Variants in ATP6V1A observed in about 807,000 individuals in gnomAD.
ATP6V1A encodes the protein V-type proton ATPase catalytic subunit A.
Under a neutral mutation model 70.1 loss-of-function variants are expected in ATP6V1A, and 18 were observed. That is an observed-to-expected ratio of 0.26 (90% CI 0.18 to 0.38). The LOEUF (loss-of-function observed/expected upper bound fraction) is 0.38. Among genes scored for constraint, ATP6V1A ranks in the 10% least tolerant of loss-of-function variants. ATP6V1A has a pLI of 1.00. For missense variants in ATP6V1A, 424 were observed against 772.4 expected (o/e 0.55, Z 5.35); for synonymous variants, 232 against 253.8 (o/e 0.91, Z 0.82).
intron 1 of ATP6V1A, among the ~76,000 whole-genome samples, chr3:113,752,841 A>G (rs923195778): frequency 6.6e-6 from 1 of 152,164 alleles, no homozygotes; most frequent in African/African-American, 2.4e-5. Context: ...AACAGATGCA[A>G]AAACTGATTT....
intron 3 of ATP6V1A, among the ~76,000 whole-genome samples, chr3:113,782,573 C>CACATGTGTATATATATAT (rs1308546543): frequency 1.4e-5 from 2 of 141,208 alleles, no homozygotes; most frequent in Non-Finnish European, 3.0e-5. Context: ...TATATATATA[C>CACATGTGTATATATATAT]GTATATATAT....
intron 1 of ATP6V1A, among the ~76,000 whole-genome samples, chr3:113,757,494 T>G (rs117666431): frequency 6.6e-6 from 1 of 152,350 alleles, no homozygotes; most frequent in East Asian, 1.9e-4. Flanking sequence ...CTTCTATGCC[T>G]CATGGCACGA....
Position 113,778,785 on chromosome 3 carries a change from A to G in ATP6V1A, c.32A>G (p.Asp11Gly). MDFSKLPKIL[D>G]EDKESTFGYV... is the part of the protein sequence containing the mutation. ...TTTTCCAAGCTACCCAAAATACTCG[A>G]TGAAGATAAAGAAAGCACATTTGGT... Residue 11 changes from aspartate (D) to glycine (G), a missense_variant, in exon 2 of 15, where the codon GAT (aspartate) becomes GGT (glycine). Asp to Gly is a moderately conservative substitution (Grantham distance 94, BLOSUM62 -1). Around this residue, in one of 9 missense-constraint regions of ATP6V1A, gnomAD observed 21 missense variants for 20.4 expected, o/e 1.03. Coordinates refer to ENST00000273398, the MANE Select transcript of ATP6V1A (RefSeq NM_001690.4). 1.3e-6 allele frequency: 2 copies of G among 1,595,354 alleles called. No homozygotes were observed. Among genetic ancestry groups the G allele is most frequent in the Non-Finnish European group, 8.5e-7 (1 of 1,171,238 alleles).
intron 1 of ATP6V1A, among the ~76,000 whole-genome samples, chr3:113,776,925 G>T (rs1167018828): frequency 6.6e-6 from 1 of 152,140 alleles, no homozygotes; most frequent in Non-Finnish European, 1.5e-5. Context: ...TTTTTCTACT[G>T]TGTGCAAATT....
In ATP6V1A at chr3:113,796,010, G is replaced by C. The variant is rs893339753; in HGVS notation, c.1290+71G>C. The C allele has an allele frequency of 1.1e-5, 14 of 1,281,734 alleles. No homozygotes were observed. In the African/African-American group the frequency reaches 1.8e-4, roughly 17 times the overall value. The allele number at this position is 1,281,734 out of a possible 1,614,324, so 79.4% of individuals were successfully genotyped here. A position where few individuals can be genotyped will look rare whatever the true frequency, so the allele number is the denominator to read the frequency against. ...TCTGCAGCCCCTGCTGTTCTAATGC[G>C]ATCTAATGTAATCGTTGTGAAGTAT... On this transcript the variant is annotated intron_variant, in intron 11 of 14. Transcript: ENST00000273398.
intron 8 of ATP6V1A, 94 bp downstream of exon 8, chr3:113,789,934 A>G: frequency 1.1e-6 from 1 of 908,974 alleles, no homozygotes; most frequent in Non-Finnish European, 1.7e-6. Flanking sequence ...CTTTCATTCT[A>G]AAATATCTCT....
intron 12 of ATP6V1A, among the ~76,000 whole-genome samples, chr3:113,799,118 A>G (rs1709183325): frequency 6.6e-6 from 1 of 152,174 alleles, no homozygotes; most frequent in African/African-American, 2.4e-5. Context: ...AAAACCAGAT[A>G]AAGACAATAC....
rs199753308 is a variant in ATP6V1A, at chr3:113,791,394, G to GT, written c.988+1569dup. The stretch of plus-strand genomic sequence containing the variant: ...TTTTGTAGTAGGCTGCATTATTAGG[G>GT]TTTTTTTTTTTTTTTAACTGTGGTC... On this transcript the variant is annotated intron_variant, in intron 8 of 14. Coordinates refer to ENST00000273398, the MANE Select transcript of ATP6V1A (RefSeq NM_001690.4). 4.4e-3 allele frequency among the ~76,000 whole-genome samples: 614 copies of GT among 138,700 alleles called. 5 individuals carry two copies. Among genetic ancestry groups the GT allele is most frequent in the South Asian group, 0.016 (68 of 4,384 alleles). 91.0% of individuals were successfully genotyped at this position (138,700 alleles called of 152,430 possible).
At chr3:113,758,701 G>A (rs1171672288) in intron 1 of ATP6V1A, among the ~76,000 whole-genome samples, 2 of 152,120 alleles carry the variant, frequency 1.3e-5, no homozygotes, top group East Asian at 3.9e-4. Flanking sequence ...GAGTAGAATG[G>A]CTGAATCATA....
chr3:113,785,292 T>C (rs1709024911), intron 5 of ATP6V1A, among the ~76,000 whole-genome samples: 2 of 151,668 alleles, frequency 1.3e-5, no homozygotes, highest in Non-Finnish European at 2.9e-5. Context: ...ATACAAAAAT[T>C]AGCCAGGCGT....
chr3:113,777,729 A>G (rs1376568996), intron 1 of ATP6V1A, among the ~76,000 whole-genome samples: 1 of 152,204 alleles, frequency 6.6e-6, no homozygotes, highest in African/African-American at 2.4e-5. Context: ...CTCCTGCCAA[A>G]TCGACGGAGA....
At chr3:113,775,730 T>C (rs999975536) in intron 1 of ATP6V1A, among the ~76,000 whole-genome samples, 16 of 152,350 alleles carry the variant, frequency 1.1e-4, no homozygotes, top group Middle Eastern at 3.4e-3. Context: ...AATAGGCAGA[T>C]GACCATGTAT....
chr3:113,792,087 C>T (rs1362550492), intron 8 of ATP6V1A, among the ~76,000 whole-genome samples: 1 of 152,054 alleles, frequency 6.6e-6, no homozygotes, highest in African/African-American at 2.4e-5. Flanking sequence ...TTCTTGTTCT[C>T]CTTGTTTGGA....
intron 3 of ATP6V1A, 60 bp from the exon 4 acceptor site, chr3:113,784,164 T>G: frequency 6.7e-7 from 1 of 1,485,874 alleles, no homozygotes; most frequent in South Asian, 1.1e-5. Context: ...AACTGTGGTA[T>G]TTCCTGTTAA....
At chr3:113,780,362 A>G (rs940439198) in intron 2 of ATP6V1A, among the ~76,000 whole-genome samples, 1 of 152,186 alleles carries the variant, frequency 6.6e-6, no homozygotes, top group Non-Finnish European at 1.5e-5. Flanking sequence ...TAGAAAAGTA[A>G]TTTTTGCTTA....
At chr3:113,774,163 C>T (rs1427379539) in intron 1 of ATP6V1A, among the ~76,000 whole-genome samples, 2 of 151,626 alleles carry the variant, frequency 1.3e-5, no homozygotes, top group African/African-American at 4.8e-5. Context: ...AGCAGTCTAC[C>T]GTAAACAGGG....
chr3:113,753,693 C>CT (rs11375661), intron 1 of ATP6V1A, among the ~76,000 whole-genome samples: 51,628 of 140,898 alleles, frequency 0.37, 9,326 homozygotes, highest in African/African-American at 0.39. Context: ...TATCATGTGT[C>CT]TTTTTTTTTT....
At chr3:113,806,472 T>C (rs555619047) in intron 14 of ATP6V1A, among the ~76,000 whole-genome samples, 17 of 152,138 alleles carry the variant, frequency 1.1e-4, no homozygotes, top group Admixed American at 7.9e-4. Context: ...TAACTTTTTT[T>C]TTTTTTGAGA....
chr3:113,768,301 A>T (rs1018953159), intron 1 of ATP6V1A, among the ~76,000 whole-genome samples: 3 of 152,102 alleles, frequency 2.0e-5, no homozygotes, highest in African/African-American at 4.8e-5. Context: ...TTCATTGATG[A>T]CCTTATGTAT....
Sources: allele counts gnomAD v4.1 joint callset (sites outside exome capture counted in the v4.1 genomes callset), GRCh38; gene constraint gnomAD v4.1.1; regional missense constraint gnomAD v4.1.1; transcripts MANE v1.5; gene names NCBI Gene and HGNC (gene_info 2026-07-23, HGNC 2026-07-21).